Variants in DLGAP2 observed in about 807,000 individuals in gnomAD.
The protein encoded by DLGAP2 is disks large-associated protein 2.
DLGAP2 carries 26 observed loss-of-function variants against 100.3 expected under a neutral mutation model. That is an observed-to-expected ratio of 0.26 (90% CI 0.19 to 0.36). DLGAP2 has a LOEUF of 0.36. DLGAP2 is among the 10% of genes least tolerant of loss of function. The pLI, the probability that DLGAP2 is intolerant of heterozygous loss-of-function variation, is 1.00. For missense variants in DLGAP2, 1,858 were observed against 1,453.2 expected, an observed-to-expected ratio of 1.28 and a Z score of -4.53; for synonymous variants, 886 against 630.1, an observed-to-expected ratio of 1.41 and a Z score of -6.08.
intron 2 of DLGAP2, among the ~76,000 whole-genome samples, chr8:1,167,063 G>A (rs991889177): frequency 8.5e-5 from 13 of 152,096 alleles, no homozygotes; most frequent in African/African-American, 2.9e-4. Context: ...TTGAGCCCGG[G>A]AGGTTGAGGC....
intron 2 of DLGAP2, among the ~76,000 whole-genome samples, chr8:1,232,625 C>T (rs1052357302): frequency 6.6e-6 from 1 of 152,208 alleles, no homozygotes; most frequent in African/African-American, 2.4e-5. Flanking sequence ...GTGTGGAATC[C>T]ACAAGATGCT....
At chr8:1,180,647 G>T (rs1221595114) in intron 2 of DLGAP2, among the ~76,000 whole-genome samples, 4 of 149,280 alleles carry the variant, frequency 2.7e-5, no homozygotes, top group Admixed American at 2.7e-4. Context: ...AGTGTGCAAG[G>T]GCAGTATGCT....
At chr8:947,871 A>C (rs1423391912) in intron 2 of DLGAP2, among the ~76,000 whole-genome samples, 1 of 125,112 alleles carries the variant, frequency 8.0e-6, no homozygotes, top group African/African-American at 3.1e-5. Context: ...ATGGCTCCCC[A>C]ACCCTGTGCC....
At chr8:1,337,467 G>A (rs915159768) in intron 3 of DLGAP2, among the ~76,000 whole-genome samples, 1 of 66,210 alleles carries the variant, frequency 1.5e-5, no homozygotes, top group Non-Finnish European at 3.0e-5. Context: ...TGAGAATGGT[G>A]AGGATGATGG....
At chr8:1,246,816 G>T (rs1326883736) in intron 2 of DLGAP2, 1 of 147,656 alleles carries the variant, frequency 6.8e-6, no homozygotes, top group African/African-American at 2.7e-5. Flanking sequence ...AGACCTTTGA[G>T]ATCAGTGTGG....
intron 8 of DLGAP2, among the ~76,000 whole-genome samples, chr8:1,654,669 A>G (rs1203034936): frequency 1.3e-5 from 2 of 152,092 alleles, no homozygotes; most frequent in Non-Finnish European, 2.9e-5. Context: ...CTCAAAAAAA[A>G]AAAAAAAAAA....
chr8:1,525,035 A>C (rs1412106188), intron 4 of DLGAP2, among the ~76,000 whole-genome samples: 1 of 151,594 alleles, frequency 6.6e-6, no homozygotes, highest in Non-Finnish European at 1.5e-5. Flanking sequence ...ATTTGCCTTT[A>C]CTTTGCTTCC....
In DLGAP2 at chr8:1,065,067, C is replaced by T. The variant is rs183243111; in HGVS notation, c.73+157101C>T. ...TGATTCCCACCCACCAAACAGCGTGCCCAGGGGATTTCTGAGAAAATATGT... is the reference window on the plus strand; with the variant it reads ...TGATTCCCACCCACCAAACAGCGTGTCCAGGGGATTTCTGAGAAAATATGT... On this transcript the variant is annotated intron_variant, in intron 2 of 14. Coordinates refer to ENST00000637795, the MANE Select transcript of DLGAP2 (RefSeq NM_001346810.2). Among the ~76,000 whole-genome samples, 1,156 of 152,312 alleles carry T rather than the reference C, an allele frequency of 7.6e-3. 21 individuals are homozygous for T. Among genetic ancestry groups the T allele is most frequent in the African/African-American group, 0.026 (1,095 of 41,560 alleles).
At chr8:1,483,684 GGTGGGGACCAGGGAGGCAGGTGCAGGAC>G (rs1394193391) in intron 3 of DLGAP2, among the ~76,000 whole-genome samples, 31 of 150,930 alleles carry the variant, frequency 2.1e-4, no homozygotes, top group African/African-American at 5.3e-4. Flanking sequence ...AGGTGCAGGA[GGTGGGGACCAGGGAGGCAGGTGCAGGAC>G]GTGGGGACCA....
At chr8:1,691,809 C>T (rs1339757029) in intron 13 of DLGAP2, among the ~76,000 whole-genome samples, 183 bp downstream of exon 13, 3 of 151,710 alleles carry the variant, frequency 2.0e-5, no homozygotes, top group African/African-American at 7.3e-5. Flanking sequence ...GGTTTAAACG[C>T]GGTACCGAGG....
chr8:1,257,435 A>AC (rs1342751597), intron 2 of DLGAP2, among the ~76,000 whole-genome samples: 12 of 121,712 alleles, frequency 9.9e-5, no homozygotes, highest in Non-Finnish European at 3.6e-5. Context: ...CTGCCCCTCC[A>AC]CCCCCCCGCC....
intron 8 of DLGAP2, among the ~76,000 whole-genome samples, chr8:1,640,869 G>T (rs1797881381): frequency 6.6e-6 from 1 of 152,188 alleles, no homozygotes. Context: ...CATTGTCTTT[G>T]ATTTATTTGA....
chr8:815,036 A>T (rs1796451261), intron 1 of DLGAP2, among the ~76,000 whole-genome samples: 1 of 152,176 alleles, frequency 6.6e-6, no homozygotes, highest in African/African-American at 2.4e-5. Flanking sequence ...CGGAGCGGAT[A>T]TATCTGAAAA....
intron 2 of DLGAP2, among the ~76,000 whole-genome samples, chr8:1,186,434 C>T (rs1306017533): frequency 1.3e-5 from 2 of 152,220 alleles, no homozygotes; most frequent in Admixed American, 6.5e-5. Context: ...CTCTCCAGCC[C>T]GCTGTGCAGC....
intron 6 of DLGAP2, among the ~76,000 whole-genome samples, chr8:1,573,602 CG>C (rs942930982): frequency 1.4e-5 from 2 of 141,278 alleles, no homozygotes; most frequent in African/African-American, 5.0e-5. Flanking sequence ...CTCGTTTATT[CG>C]GGAAGTATGC....
chr8:1,687,635 C>G (rs1799149638), intron 12 of DLGAP2, among the ~76,000 whole-genome samples: 1 of 152,144 alleles, frequency 6.6e-6, no homozygotes, highest in Non-Finnish European at 1.5e-5. Flanking sequence ...TAATAACTCT[C>G]CACTACATTA....
intron 3 of DLGAP2, among the ~76,000 whole-genome samples, chr8:1,271,909 CAA>C (rs1404565879): frequency 6.6e-6 from 1 of 152,222 alleles, no homozygotes; most frequent in Non-Finnish European, 1.5e-5. Context: ...CCACCGGGTT[CAA>C]GTCATTCTCC....
chr8:887,658 C>G, intron 1 of DLGAP2, among the ~76,000 whole-genome samples: 1 of 152,174 alleles, frequency 6.6e-6, no homozygotes, highest in East Asian at 1.9e-4. Context: ...ATATGAAATT[C>G]TGGATTGAAA....
At chr8:1,689,212 G>T (rs765789604) in intron 12 of DLGAP2, among the ~76,000 whole-genome samples, 1 of 152,206 alleles carries the variant, frequency 6.6e-6, no homozygotes, top group African/African-American at 2.4e-5. Context: ...CTGGGAGCCA[G>T]CAGGGGCATC....
Sources: allele counts gnomAD v4.1 joint callset (sites outside exome capture counted in the v4.1 genomes callset), GRCh38; gene constraint gnomAD v4.1.1; transcripts MANE v1.5; gene names NCBI Gene and HGNC (gene_info 2026-07-23, HGNC 2026-07-21).